FRMPD4: variants seen among roughly 807,000 people sequenced by gnomAD.
FRMPD4 encodes the protein FERM and PDZ domain-containing protein 4.
FRMPD4 carries 22 observed loss-of-function variants against 94.1 expected under a neutral mutation model. That is an observed-to-expected ratio of 0.23 (90% CI 0.17 to 0.33). FRMPD4 has a LOEUF of 0.33. FRMPD4 is among the 10% of genes least tolerant of loss of function. The pLI is 1.00. For synonymous variants in FRMPD4, 631 were observed against 548.6 expected (o/e 1.15, Z -2.10); for missense variants, 1,111 against 1,339.9 (o/e 0.83, Z 2.67).
At position 12,584,080 on chromosome X, in the gene FRMPD4, C is replaced by G. The variant is rs1472726877; in HGVS notation, c.159-25641C>G. On this transcript the variant is annotated intron_variant, in intron 2 of 16. Transcript: ENST00000675598. ...ATTGAACAAAGAGGAAACCGAAATTCGGAAATTGATTATCTTACATGAAGG... is the reference window on the plus strand; with the variant it reads ...ATTGAACAAAGAGGAAACCGAAATTGGGAAATTGATTATCTTACATGAAGG... 7.2e-5 allele frequency among the ~76,000 whole-genome samples: 8 copies of G among 111,852 alleles called. No homozygotes were observed. In the Admixed American group the frequency reaches 7.6e-4, roughly 11 times the overall value.
chrX:12,390,725 G>T (rs1165303112), intron 1 of FRMPD4, among the ~76,000 whole-genome samples: 1 of 111,545 alleles, frequency 9.0e-6, no homozygotes, highest in Admixed American at 9.5e-5. Context: ...CTTTTTTTCT[G>T]TACTGTGATG....
chrX:12,314,486 T>G (rs1471916604), intron 1 of FRMPD4, among the ~76,000 whole-genome samples: 1 of 111,147 alleles, frequency 9.0e-6, no homozygotes, highest in African/African-American at 3.3e-5. Flanking sequence ...TCTGTGCAGG[T>G]GGTCTGGTGG....
At chrX:12,226,640 A>T (rs1368680459) in intron 1 of FRMPD4, among the ~76,000 whole-genome samples, 6 of 111,484 alleles carry the variant, frequency 5.4e-5, no homozygotes. Context: ...GCAAAACAGT[A>T]GCCAGAGTAT....
chrX:12,528,597 T>C lies in FRMPD4; in HGVS notation c.158+29801T>C, dbSNP rs768430216. On this transcript the variant is annotated intron_variant, in intron 2 of 16. Transcript: ENST00000675598. The stretch of plus-strand genomic sequence containing the variant: ...CCTCCCAAAGTGCTGGGATTACAGG[T>C]GTGAGCCACTGCACCCCTGGCCCAG... 4.8e-3 allele frequency among the ~76,000 whole-genome samples: 532 copies of C among 111,340 alleles called. 6 individuals are homozygous for C. Among genetic ancestry groups the C allele is most frequent in the African/African-American group, 0.017 (507 of 30,646 alleles).
intron 5 of FRMPD4, among the ~76,000 whole-genome samples, chrX:12,682,097 T>C (rs1193162932): frequency 8.9e-6 from 1 of 112,253 alleles, no homozygotes; most frequent in Non-Finnish European, 1.9e-5. Context: ...TAGCAAAATA[T>C]TTTCCAGGTT....
chrX:12,318,259 C>G (rs1334700882), intron 1 of FRMPD4, among the ~76,000 whole-genome samples: 9 of 112,669 alleles, frequency 8.0e-5, no homozygotes, highest in Non-Finnish European at 1.7e-4. Context: ...GCTGAGGCAG[C>G]TCACATCTAT....
At chrX:12,404,626 C>T (rs2056646499) in intron 1 of FRMPD4, among the ~76,000 whole-genome samples, 1 of 112,247 alleles carries the variant, frequency 8.9e-6, no homozygotes, top group Admixed American at 9.5e-5. Context: ...TCTGGATGAA[C>T]ATAATTTCTC....
chrX:12,471,595 A>G (rs1005864174), intron 1 of FRMPD4, among the ~76,000 whole-genome samples: 2 of 111,428 alleles, frequency 1.8e-5, no homozygotes, highest in Admixed American at 9.6e-5. Context: ...CAGGCATGAG[A>G]ATTTTAGCAA....
intron 1 of FRMPD4, among the ~76,000 whole-genome samples, chrX:12,272,637 C>A (rs951487704): frequency 2.7e-5 from 3 of 111,715 alleles, no homozygotes; most frequent in Admixed American, 9.5e-5. Flanking sequence ...TGAACATTGG[C>A]CTATTTGAAA....
chrX:12,432,467 A>G (rs1160157964), intron 1 of FRMPD4, among the ~76,000 whole-genome samples: 1 of 112,225 alleles, frequency 8.9e-6, no homozygotes, highest in African/African-American at 3.2e-5. Context: ...GGTGTCAACC[A>G]GAGCCACAGT....
Position 12,370,193 on chromosome X carries a change from G to A in FRMPD4, c.42-128487G>A, listed in dbSNP as rs180828440. On this transcript the variant is annotated intron_variant, in intron 1 of 16. Transcript: ENST00000675598. ...CATTTAAAGTTTTTGAACTGGGGCC[G>A]GGTGTAGTGGCTCACACCTGTAACC... is the stretch of plus-strand genomic sequence containing the variant. Among the ~76,000 whole-genome samples, 454 of 111,837 alleles carry A rather than the reference G, an allele frequency of 4.1e-3. 3 individuals are homozygous for A. Among genetic ancestry groups the A allele is most frequent in the African/African-American group, 0.014 (435 of 30,826 alleles).
intron 1 of FRMPD4, among the ~76,000 whole-genome samples, chrX:12,393,318 G>GA (rs1160019254): frequency 6.3e-5 from 7 of 111,361 alleles, no homozygotes; most frequent in Admixed American, 2.8e-4. Context: ...CAGGGAGAAA[G>GA]AAAAAACAGA....
At chrX:11,899,559 C>G (rs187877161) in intron 3 of FRMPD4, among the ~76,000 whole-genome samples, 207 of 111,290 alleles carry the variant, frequency 1.9e-3, no homozygotes, top group African/African-American at 6.3e-3. Context: ...TAGCCATAGA[C>G]GCTGAGTCCC....
intron 1 of FRMPD4, among the ~76,000 whole-genome samples, chrX:12,141,226 A>T (rs1019543481): frequency 3.6e-5 from 4 of 111,984 alleles, no homozygotes; most frequent in Non-Finnish European, 5.6e-5. Flanking sequence ...TTCCTAAAGG[A>T]TTTAGCTTTG....
intron 4 of FRMPD4, among the ~76,000 whole-genome samples, chrX:12,648,782 A>G (rs1045494814): frequency 6.2e-5 from 7 of 112,420 alleles, no homozygotes; most frequent in African/African-American, 2.3e-4. Flanking sequence ...TGACTTTACC[A>G]TGGATAGAAG....
chrX:12,631,309 C>T (rs1357465290), intron 4 of FRMPD4, among the ~76,000 whole-genome samples: 5 of 111,223 alleles, frequency 4.5e-5, no homozygotes, highest in South Asian at 3.8e-4. Context: ...AAGTGTTTGC[C>T]GAAAGAGCCA....
At position 12,398,475 on chromosome X, in the gene FRMPD4, CATT is replaced by C. The variant is rs774815664; in HGVS notation, c.42-100200_42-100198del. On this transcript the variant is annotated intron_variant, in intron 1 of 16. Transcript: ENST00000675598. ...AAGTGTGGGAGGGTGTGACAGGAAT[CATT>C]ATTAGCTTTCAGATACTGCATGGTT... 1.5e-3 allele frequency among the ~76,000 whole-genome samples: 163 copies of C among 111,179 alleles called. 11 individuals carry two copies. The East Asian group carries it at 0.027, about 18-fold the overall frequency.
chrX:11,894,752 T>C (rs1248490729), intron 3 of FRMPD4, among the ~76,000 whole-genome samples: 3 of 112,234 alleles, frequency 2.7e-5, no homozygotes, highest in Non-Finnish European at 5.6e-5. Context: ...TAGGTCTGGG[T>C]TGGGGCAGAG....
intron 2 of FRMPD4, among the ~76,000 whole-genome samples, chrX:11,876,683 G>T (rs1311758076): frequency 8.9e-6 from 1 of 112,335 alleles, no homozygotes; most frequent in Non-Finnish European, 1.9e-5. Flanking sequence ...TCTCCATTGT[G>T]ACAAATCAAA....
Sources: allele counts gnomAD v4.1 joint callset (sites outside exome capture counted in the v4.1 genomes callset), GRCh38; gene constraint gnomAD v4.1.1; transcripts MANE v1.5; gene names NCBI Gene and HGNC (gene_info 2026-07-23, HGNC 2026-07-21).